Variants in FARS2 observed in about 807,000 individuals in gnomAD.
FARS2 encodes phenylalanine--tRNA ligase, mitochondrial.
A neutral mutation model predicts 46.4 loss-of-function variants in FARS2; 40 were observed. The ratio of observed to expected loss-of-function variants is 0.86; its 90% CI spans 0.67 to 1.12. The LOEUF (loss-of-function observed/expected upper bound fraction) is 1.12, where lower values mean the gene tolerates loss of function less well. Among genes scored for constraint, FARS2 ranks in the 50% most tolerant of loss-of-function variants. FARS2 has a pLI of 0.00. For synonymous variants in FARS2, 234 were observed against 214.9 expected, an observed-to-expected ratio of 1.09 and a Z score of -0.78; for missense variants, 513 against 567.9, an observed-to-expected ratio of 0.90 and a Z score of 0.98.
At chr6:5,433,800 T>C (rs907380936) in intron 4 of FARS2, among the ~76,000 whole-genome samples, 2 of 152,242 alleles carry the variant, frequency 1.3e-5, no homozygotes, top group African/African-American at 4.8e-5. Context: ...AAATCAGGGA[T>C]GATCAGCTTA....
Position 5,765,372 on chromosome 6 carries a change from G to A in FARS2, c.1218-5919G>A, listed in dbSNP as rs1034949850. Among the ~76,000 whole-genome samples, 2 of 152,252 alleles carry A rather than the reference G, an allele frequency of 1.3e-5. No individual in the cohort carries two copies. Among genetic ancestry groups the A allele is most frequent in the Non-Finnish European group, 2.9e-5 (2 of 68,040 alleles). On this transcript the variant is annotated intron_variant, in intron 6 of 6. Transcript: ENST00000274680. The surrounding 1 kb of genome is among the most constrained non-coding windows in gnomAD (Gnocchi z 4.0). The stretch of plus-strand genomic sequence containing the variant: ...AAGAGCCAGGCTGAATCTCTCAGAA[G>A]GGGAGCTGACGGGCGGCAGTGGGAG...
At chr6:5,358,368 A>G (rs1005873818) in intron 1 of FARS2, among the ~76,000 whole-genome samples, 2 of 152,162 alleles carry the variant, frequency 1.3e-5, no homozygotes, top group African/African-American at 4.8e-5. Context: ...ATAATTAATT[A>G]TGCCAACATT....
chr6:5,604,869 A>C (rs1378149367), intron 5 of FARS2, among the ~76,000 whole-genome samples: 1 of 152,322 alleles, frequency 6.6e-6, no homozygotes, highest in East Asian at 1.9e-4. Context: ...CCAGATCCTT[A>C]TTCCGGTCAT....
chr6:5,692,919 C>T lies in FARS2; in HGVS notation c.1218-78372C>T, dbSNP rs367842390. ...CCAAGCTTCAGAGGTAATACTCTGG[C>T]TCTTTATCCCACCTCCTTTTTTTCT... On this transcript the variant is annotated intron_variant, in intron 6 of 6. Coordinates refer to ENST00000274680, the MANE Select transcript of FARS2 (RefSeq NM_006567.5). 4.9e-4 allele frequency among the ~76,000 whole-genome samples: 74 copies of T among 152,304 alleles called. No individual in the cohort carries two copies. In the South Asian group the frequency reaches 0.014, roughly 29 times the overall value.
chr6:5,520,522 T>C (rs1314969888), intron 4 of FARS2, among the ~76,000 whole-genome samples: 1 of 152,220 alleles, frequency 6.6e-6, no homozygotes, highest in African/African-American at 2.4e-5. Context: ...GAGAATAATA[T>C]AAGAAATACC....
At chr6:5,318,963 CTCA>C (rs566463593) in intron 1 of FARS2, among the ~76,000 whole-genome samples, 592 of 152,260 alleles carry the variant, frequency 3.9e-3, no homozygotes, top group Non-Finnish European at 5.3e-3. Context: ...ATTCTCCTGT[CTCA>C]GCTTCAGCAA....
intron 6 of FARS2, among the ~76,000 whole-genome samples, chr6:5,669,696 T>C (rs933417733): frequency 6.6e-6 from 1 of 152,202 alleles, no homozygotes; most frequent in Non-Finnish European, 1.5e-5. Context: ...CCTGCCCTGC[T>C]AGTCATTTGG....
chr6:5,321,515 T>A (rs989302184), intron 1 of FARS2, among the ~76,000 whole-genome samples: 1 of 152,202 alleles, frequency 6.6e-6, no homozygotes, highest in Non-Finnish European at 1.5e-5. Context: ...GAGTGTGGCC[T>A]CTGTGCCTTG....
At chr6:5,567,978 T>A (rs188490421) in intron 5 of FARS2, among the ~76,000 whole-genome samples, 1 of 152,214 alleles carries the variant, frequency 6.6e-6, no homozygotes, top group South Asian at 2.1e-4. Flanking sequence ...TCAGATTGCA[T>A]TGTTACTCCT....
At chr6:5,598,894 A>G (rs1774352043) in intron 5 of FARS2, among the ~76,000 whole-genome samples, 1 of 152,196 alleles carries the variant, frequency 6.6e-6, no homozygotes, top group South Asian at 2.1e-4. Flanking sequence ...GCCACTGGAA[A>G]TCACGTCTTA....
At position 5,586,590 on chromosome 6, in the gene FARS2, A is replaced by G. The variant is rs9392083; in HGVS notation, c.1066-26579A>G. ...TTTAATGTGCAACTGAATTTAATGTACTAGTATTTTGCTGAGGATTTTTGC... is the reference window on the plus strand; with the variant it reads ...TTTAATGTGCAACTGAATTTAATGTGCTAGTATTTTGCTGAGGATTTTTGC... On this transcript the variant is annotated intron_variant, in intron 5 of 6. Transcript: ENST00000274680. Among the ~76,000 whole-genome samples the G allele has an allele frequency of 4.7e-4, 71 of 152,238 alleles. No homozygotes were observed. In the East Asian group the frequency reaches 0.012, roughly 26 times the overall value.
Position 5,266,041 on chromosome 6 carries a change from G to A in FARS2, c.-22+4381G>A, listed in dbSNP as rs1765528728. On this transcript the variant is annotated intron_variant, in intron 1 of 6. Transcript: ENST00000274680. The stretch of plus-strand genomic sequence containing the variant: ...GGTAGTGTTTGTGTTGGGCTTGAGA[G>A]GATTTAAGTTTCTCCTGGGCCTTGA... 3.9e-5 allele frequency among the ~76,000 whole-genome samples: 6 copies of A among 152,278 alleles called. No homozygotes were observed. In the South Asian group the frequency reaches 1.2e-3, roughly 32 times the overall value.
At chr6:5,469,056 G>C (rs928848750) in intron 4 of FARS2, among the ~76,000 whole-genome samples, 2 of 152,196 alleles carry the variant, frequency 1.3e-5, no homozygotes, top group Non-Finnish European at 1.5e-5. Context: ...AGCCTGATGA[G>C]ATTTGGGTTC....
rs1020223223 is a variant in FARS2 at position 5,610,115 on chromosome 6, C to A, written c.1066-3054C>A. The A allele has an allele frequency of 9.1e-6, 10 of 1,094,418 alleles. No homozygotes were observed. The African/African-American group carries it at 1.1e-4, about 12-fold the overall frequency. The allele number at this position is 1,094,418 out of a possible 1,614,324, so 67.8% of individuals were successfully genotyped here. On this transcript the variant is annotated intron_variant, in intron 5 of 6. Transcript: ENST00000274680. ...ATTGCTCAGAATGGCTCCTCAGGCT[C>A]TCATTGGTTGTTTCAAAGCTCAACC...
intron 3 of FARS2, among the ~76,000 whole-genome samples, chr6:5,409,046 C>T (rs528071183): frequency 1.2e-4 from 19 of 152,264 alleles, no homozygotes; most frequent in African/African-American, 3.9e-4. Context: ...GCGTAGCTTT[C>T]AAATGCAGAT....
At chr6:5,477,179 T>C (rs1196122314) in intron 4 of FARS2, among the ~76,000 whole-genome samples, 1 of 152,204 alleles carries the variant, frequency 6.6e-6, no homozygotes, top group Admixed American at 6.5e-5. Context: ...ATTCCTTTAT[T>C]AGAACAAAAC....
chr6:5,638,120 A>G (rs1776631406), intron 6 of FARS2, among the ~76,000 whole-genome samples: 1 of 152,200 alleles, frequency 6.6e-6, no homozygotes, highest in Non-Finnish European at 1.5e-5. Context: ...TTATACTGCA[A>G]GATGGTGCTG....
intron 1 of FARS2, among the ~76,000 whole-genome samples, chr6:5,290,564 C>T (rs1041555529): frequency 6.6e-6 from 1 of 152,154 alleles, no homozygotes; most frequent in African/African-American, 2.4e-5. Flanking sequence ...GAAAGTAGCT[C>T]AGTTTTTCTA....
chr6:5,564,306 A>G (rs929324680), intron 5 of FARS2, among the ~76,000 whole-genome samples: 2 of 151,958 alleles, frequency 1.3e-5, no homozygotes, highest in Admixed American at 1.3e-4. Context: ...ATTTTCCCAA[A>G]CAAAGAAACC....
Sources: gnomAD v4.1 joint callset for allele counts (sites outside exome capture counted in the v4.1 genomes callset) on GRCh38, gnomAD v4.1.1 for gene constraint, Gnocchi (gnomAD v3.1) non-coding constraint, MANE v1.5 for transcripts, NCBI Gene and HGNC (gene_info 2026-07-23, HGNC 2026-07-21) for gene names.